TCF3: variants seen among roughly 807,000 people sequenced by gnomAD.
The protein encoded by TCF3 is transcription factor 3, also known as transcription factor E2-alpha.
In TCF3, 54 loss-of-function variants were observed where a neutral mutation model predicts 72.3. The observed-to-expected ratio is 0.75, with a 90% CI of 0.60 to 0.94. The LOEUF is 0.94. Among genes scored for constraint, TCF3 ranks in the 40% least tolerant of loss-of-function variants. The pLI is 0.00. For synonymous variants in TCF3, 525 were observed against 412.6 expected (o/e 1.27, Z -3.30); for missense variants, 1,078 against 934.4 (o/e 1.15, Z -2.00).
intron 2 of TCF3, among the ~76,000 whole-genome samples, chr19:1,646,767 T>C (rs2066171687): frequency 6.6e-6 from 1 of 152,246 alleles, no homozygotes; most frequent in Non-Finnish European, 1.5e-5. Context: ...AGGCGAAGGA[T>C]ACAACTTATC....
intron 5 of TCF3, among the ~76,000 whole-genome samples, chr19:1,630,665 G>C (rs76519916): frequency 6.6e-6 from 1 of 152,136 alleles, no homozygotes; most frequent in African/African-American, 2.4e-5. Flanking sequence ...TCAAACCGTC[G>C]GGTTCCAGAG....
At chr19:1,631,733 A>G (rs1188617839) in intron 5 of TCF3, among the ~76,000 whole-genome samples, 1 of 151,974 alleles carries the variant, frequency 6.6e-6, no homozygotes, top group Non-Finnish European at 1.5e-5. Flanking sequence ...AGCCCGGCTG[A>G]CCCCTCCCCG....
At chr19:1,624,833 T>C (rs2062688749) in intron 7 of TCF3, among the ~76,000 whole-genome samples, 1 of 152,180 alleles carries the variant, frequency 6.6e-6, no homozygotes, top group Non-Finnish European at 1.5e-5. Flanking sequence ...GTTTTTGTGC[T>C]TTTTGTGGGT....
chr19:1,632,098 G>C lies in TCF3; in HGVS notation c.238C>G (p.His80Asp). The C allele has an allele frequency of 6.2e-7, 1 of 1,613,314 alleles. No homozygotes were observed. Among genetic ancestry groups the C allele is most frequent in the Non-Finnish European group, 8.5e-7 (1 of 1,179,770 alleles). The change falls in exon 5 of 19, where the codon CAC becomes GAC. Residue 80 changes from histidine (H) to aspartate (D), a missense_variant. Transcript: ENST00000262965. ...AGGCTGCTGTGCGACTCAGTGAAGT[G>C]GGTGCCCTCGCTGAAGGTCTAGGGG... ...DPSRTFSEGT[H>D]FTESHSSLSS...
chr19:1,621,976 G>T lies in TCF3; in HGVS notation c.823-6C>A, dbSNP rs755572430. 1.2e-6 allele frequency: 2 copies of T among 1,603,924 alleles called. No homozygotes were observed. The highest frequency in any genetic ancestry group is 1.7e-6 in the Non-Finnish European group (2 of 1,175,816). On this transcript the variant is annotated splice_region_variant and splice_polypyrimidine_tract_variant and intron_variant, in intron 10 of 18. Coordinates refer to ENST00000262965, the MANE Select transcript of TCF3 (RefSeq NM_003200.5). The stretch of plus-strand genomic sequence containing the variant: ...GCTCCATGCAGCTGGTAGCCCTGGG[G>T]GGTCAGGCAGGAGGAGGGTGGGTTA...
At chr19:1,634,248 C>T (rs2064097260) in intron 3 of TCF3, among the ~76,000 whole-genome samples, 1 of 152,300 alleles carries the variant, frequency 6.6e-6, no homozygotes, top group South Asian at 2.1e-4. Context: ...TTTTAATAAC[C>T]CACCATGAAT....
chr19:1,636,675 T>C (rs572104960), intron 3 of TCF3, among the ~76,000 whole-genome samples: 1 of 151,984 alleles, frequency 6.6e-6, no homozygotes, highest in South Asian at 2.1e-4. Context: ...CCGCCCTGGG[T>C]TTATCTTCCT....
rs1320733738 is a variant in TCF3 at position 1,615,324 on chromosome 19, C to A, written c.1783G>T (p.Ala595Ser). ...TCCAAGTTCAGGATGACCGAGACAGCCTGGTGCAGGATGAGCAGTTTGGTC... is the reference window on the plus strand; with the variant it reads ...TCCAAGTTCAGGATGACCGAGACAGACTGGTGCAGGATGAGCAGTTTGGTC... The part of the protein sequence containing the change: ...PQTKLLILHQ[A>S]VSVILNLEQQ... The change falls in exon 18 of 19, where the codon GCT becomes TCT. Residue 595 changes from alanine (A) to serine (S), a missense_variant. Physicochemically the swap from Ala to Ser is moderately conservative, Grantham distance 99. Transcript: ENST00000262965. The surrounding 1 kb of genome is among the most constrained non-coding windows in gnomAD (Gnocchi z 7.3). The A allele has an allele frequency of 6.2e-7, 1 of 1,608,896 alleles. No individual in the cohort carries two copies. Among genetic ancestry groups the A allele is most frequent in the East Asian group, 2.2e-5 (1 of 44,690 alleles).
chr19:1,619,884 C>T (rs367796780), intron 13 of TCF3, 31 bp from the exon 14 acceptor site: 25 of 1,534,320 alleles, frequency 1.6e-5, no homozygotes, highest in African/African-American at 4.2e-5. Context: ...GAATGGGGTG[C>T]GAGGGGCGGG....
chr19:1,619,956 C>A, intron 13 of TCF3, 103 bp from the exon 14 acceptor site: 1 of 1,045,168 alleles, frequency 9.6e-7, no homozygotes, highest in Admixed American at 2.2e-5. Context: ...TGTCCAGCCT[C>A]CGGTGATGCC....
At chr19:1,651,814 G>T (rs1288320911) in intron 1 of TCF3, among the ~76,000 whole-genome samples, 1 of 121,830 alleles carries the variant, frequency 8.2e-6, no homozygotes, top group Non-Finnish European at 1.8e-5. Flanking sequence ...CCCCCGGCCC[G>T]CCCGGCCCCG....
At chr19:1,639,786 C>T (rs2064980811) in intron 3 of TCF3, among the ~76,000 whole-genome samples, 1 of 140,384 alleles carries the variant, frequency 7.1e-6, no homozygotes, top group African/African-American at 2.6e-5. Flanking sequence ...GAACAAATGT[C>T]AGTAATATGA....
chr19:1,618,492 C>T (rs2145962175), intron 16 of TCF3, among the ~76,000 whole-genome samples: 1 of 151,964 alleles, frequency 6.6e-6, no homozygotes, highest in Middle Eastern at 3.4e-3. Context: ...CCCCGCATGA[C>T]CTGCCCTGCC....
Position 1,615,762 on chromosome 19 carries a change from C to G in TCF3, c.1510G>C (p.Asp504His). Residue 504 changes from aspartate to histidine, a missense_variant, in exon 17 of 19, where the codon GAC becomes CAC. By Grantham distance (81) the Asp-to-His change is moderately conservative. Coordinates refer to ENST00000262965, the MANE Select transcript of TCF3 (RefSeq NM_003200.5). This position sits in a 1 kb window ranked among gnomAD's most constrained non-coding sequence, Gnocchi z 7.3. Reference sequence around the variant, plus strand: ...TCAGCCGCTGACGTGTTCTCCTCGTCCTCCTTCTCCTCCCGCTTGATCTCG... The same window carrying G: ...TCAGCCGCTGACGTGTTCTCCTCGTGCTCCTTCTCCTCCCGCTTGATCTCG... ...ASEIKREEKE[D>H]EENTSAADHS... 1 of 1,602,758 alleles carries G rather than the reference C, an allele frequency of 6.2e-7. No homozygotes were observed. The highest frequency in any genetic ancestry group is 8.5e-7 in the Non-Finnish European group (1 of 1,173,074).
rs797021926 is a variant in TCF3, at chr19:1,637,142, C to T, written c.146-4737G>A. The stretch of plus-strand genomic sequence containing the variant: ...AACTGGCAACCTCCTCCACCAGAAG[C>T]GGGGACAACCTCCTCCACCAGAACC... On this transcript the variant is annotated intron_variant, in intron 3 of 18. Coordinates refer to ENST00000262965, the MANE Select transcript of TCF3 (RefSeq NM_003200.5). 8.6e-5 allele frequency among the ~76,000 whole-genome samples: 13 copies of T among 151,956 alleles called. 1 individual carries two copies. Among genetic ancestry groups the T allele is most frequent in the African/African-American group, 1.4e-4 (6 of 41,452 alleles).
intron 18 of TCF3, among the ~76,000 whole-genome samples, chr19:1,613,104 G>A (rs1051289604): frequency 1.3e-5 from 2 of 152,140 alleles, no homozygotes; most frequent in Admixed American, 1.3e-4. Flanking sequence ...GGACAGCAGT[G>A]GGGGTACACG....
At chr19:1,621,302 C>T in intron 11 of TCF3, 111 bp from the exon 12 acceptor site, 6 of 1,301,586 alleles carry the variant, frequency 4.6e-6, no homozygotes, top group Non-Finnish European at 6.2e-6. Context: ...CCAGGGAGAG[C>T]AGCCTGACTC....
intron 3 of TCF3, among the ~76,000 whole-genome samples, chr19:1,640,696 T>C (rs922934280): frequency 3.3e-5 from 5 of 151,614 alleles, no homozygotes; most frequent in African/African-American, 4.8e-5. Context: ...TCCCAGCTAC[T>C]AGGGAGGCTA....
At chr19:1,612,397 G>GTCTT in intron 18 of TCF3, 1 of 1,613,260 alleles carries the variant, frequency 6.2e-7, no homozygotes, top group South Asian at 1.1e-5. Flanking sequence ...GGTCCCTCAG[G>GTCTT]TCTTTCTCCT....
Sources: gnomAD v4.1 joint callset for allele counts (sites outside exome capture counted in the v4.1 genomes callset) on GRCh38, gnomAD v4.1.1 for gene constraint, Gnocchi (gnomAD v3.1) non-coding constraint, MANE v1.5 for transcripts, NCBI Gene and HGNC (gene_info 2026-07-23, HGNC 2026-07-21) for gene names.